RBMS3: variants seen among roughly 807,000 people sequenced by gnomAD.
RBMS3 encodes the protein RNA binding motif single stranded interacting protein 3, also known as RNA-binding motif, single-stranded-interacting protein 3.
Under a neutral mutation model 66.8 loss-of-function variants are expected in RBMS3, and 27 were observed. The ratio of observed to expected loss-of-function variants is 0.40; its 90% CI spans 0.30 to 0.56. The LOEUF is 0.56. Ranked by LOEUF, RBMS3 falls within the 20% of genes least tolerant of loss-of-function variation. The pLI is 0.40. For synonymous variants in RBMS3, 188 were observed against 183.0 expected, an observed-to-expected ratio of 1.03 and a Z score of -0.22; for missense variants, 513 against 549.5, an observed-to-expected ratio of 0.93 and a Z score of 0.66.
chr3:29,842,866 G>A (rs1015535232), intron 6 of RBMS3, among the ~76,000 whole-genome samples: 3 of 152,222 alleles, frequency 2.0e-5, no homozygotes, highest in Non-Finnish European at 2.9e-5. Context: ...ACCTGAAAAG[G>A]CAAGGAAGTA....
intron 12 of RBMS3, among the ~76,000 whole-genome samples, chr3:29,984,034 C>T (rs1439006470): frequency 6.6e-6 from 1 of 152,166 alleles, no homozygotes; most frequent in Non-Finnish European, 1.5e-5. Context: ...CTCCCTGTCA[C>T]TTTCCAGTAC....
At chr3:29,388,233 A>G (rs1575681176) in intron 1 of RBMS3, among the ~76,000 whole-genome samples, 1 of 152,196 alleles carries the variant, frequency 6.6e-6, no homozygotes, top group Admixed American at 6.5e-5. Flanking sequence ...ATCACTCAGG[A>G]TAGAGAAATA....
intron 12 of RBMS3, among the ~76,000 whole-genome samples, chr3:29,981,819 T>C (rs1257429503): frequency 6.6e-6 from 1 of 152,196 alleles, no homozygotes; most frequent in African/African-American, 2.4e-5. Flanking sequence ...TGCTGCTGGA[T>C]TCAGTTTGCC....
At chr3:29,617,746 GAACTCTA>G (rs2048718100) in intron 4 of RBMS3, among the ~76,000 whole-genome samples, 2 of 152,124 alleles carry the variant, frequency 1.3e-5, no homozygotes, top group Admixed American at 1.3e-4. Flanking sequence ...AGGATCTGGT[GAACTCTA>G]AACTCTTCCA....
intron 4 of RBMS3, among the ~76,000 whole-genome samples, chr3:29,725,729 C>T (rs2053836699): frequency 6.6e-6 from 1 of 152,048 alleles, no homozygotes; most frequent in African/African-American, 2.4e-5. Context: ...ACGCTACCAA[C>T]CAAAAAAACC....
intron 1 of RBMS3, among the ~76,000 whole-genome samples, chr3:29,433,684 A>G (rs1455361901): frequency 6.6e-6 from 1 of 152,198 alleles, no homozygotes; most frequent in Non-Finnish European, 1.5e-5. Flanking sequence ...TCAACCCTAG[A>G]CAGTCAGTGT....
chr3:29,932,778 G>A (rs920292407), intron 10 of RBMS3, among the ~76,000 whole-genome samples: 3 of 152,158 alleles, frequency 2.0e-5, no homozygotes, highest in Non-Finnish European at 1.5e-5. Context: ...TAACAACACA[G>A]ATGCTTTTCT....
intron 1 of RBMS3, among the ~76,000 whole-genome samples, chr3:29,358,779 A>G (rs370773741): frequency 2.6e-5 from 4 of 151,918 alleles, no homozygotes; most frequent in Admixed American, 2.0e-4. Flanking sequence ...GTAAGTTGGA[A>G]TCCTAGGTAT....
At chr3:29,815,277 C>T (rs1188602095) in intron 6 of RBMS3, among the ~76,000 whole-genome samples, 1 of 152,146 alleles carries the variant, frequency 6.6e-6, no homozygotes, top group Non-Finnish European at 1.5e-5. Flanking sequence ...CATGCACACC[C>T]AAAACCTTAG....
At position 29,789,163 on chromosome 3, in the gene RBMS3, G is replaced by A. The variant is rs537441680; in HGVS notation, c.637+26174G>A. On this transcript the variant is annotated intron_variant, in intron 6 of 14. Transcript: ENST00000383767. The stretch of plus-strand genomic sequence containing the variant: ...TATTTATCTTGACTTCATTCATGAT[G>A]TATTTTTTTTGCCATTTAGATTTTT... 4.6e-5 allele frequency among the ~76,000 whole-genome samples: 7 copies of A among 151,308 alleles called. 2 individuals carry two copies. In the South Asian group the frequency reaches 1.5e-3, roughly 32 times the overall value.
At chr3:29,772,666 A>G (rs900250061) in intron 6 of RBMS3, among the ~76,000 whole-genome samples, 31 of 152,040 alleles carry the variant, frequency 2.0e-4, no homozygotes, top group African/African-American at 6.8e-4. Context: ...AAAATTACCA[A>G]GAGGAAGCAT....
intron 11 of RBMS3, among the ~76,000 whole-genome samples, chr3:29,943,741 A>C (rs1275422082): frequency 6.6e-6 from 1 of 151,760 alleles, no homozygotes; most frequent in Non-Finnish European, 1.5e-5. Context: ...TTTTGCCTTC[A>C]AAATGTGTTA....
At position 29,739,724 on chromosome 3, in the gene RBMS3, A is replaced by C; in HGVS notation, c.404A>C (p.Gln135Pro). Residue 135 changes from glutamine to proline, a missense_variant, in exon 5 of 15, where the codon CAA (glutamine) becomes CCA (proline). Gln to Pro is a moderately conservative substitution (Grantham distance 76). Coordinates refer to ENST00000383767, the MANE Select transcript of RBMS3 (RefSeq NM_001003793.3). ...TTGTTACTTTCCTTCCCTTAGCAAC[A>C]AGAGCAAGACCCAACAAACCTATAC... is the stretch of plus-strand genomic sequence containing the variant. ...NGVQAQMAKQ[Q>P]EQDPTNLYIS... The C allele has an allele frequency of 6.3e-7, 1 of 1,589,938 alleles. No homozygotes were observed. The highest frequency in any genetic ancestry group is 8.5e-7 in the Non-Finnish European group (1 of 1,171,968).
intron 8 of RBMS3, among the ~76,000 whole-genome samples, chr3:29,886,464 A>T (rs2149584465): frequency 6.6e-6 from 1 of 151,908 alleles, no homozygotes; most frequent in East Asian, 2.0e-4. Flanking sequence ...AAGCAATGAG[A>T]TTTGGCATAG....
At chr3:29,409,801 A>C (rs2040187363) in intron 1 of RBMS3, among the ~76,000 whole-genome samples, 1 of 152,218 alleles carries the variant, frequency 6.6e-6, no homozygotes, top group African/African-American at 2.4e-5. Context: ...AATGGCAGAT[A>C]ATTTATGTGG....
At chr3:29,937,547 G>T (rs2061298244) in intron 11 of RBMS3, among the ~76,000 whole-genome samples, 1 of 151,842 alleles carries the variant, frequency 6.6e-6, no homozygotes, top group Admixed American at 6.6e-5. Context: ...TTTCAATAAA[G>T]AAATTTTAGT....
chr3:29,932,175 T>C (rs1487937109), intron 10 of RBMS3, among the ~76,000 whole-genome samples: 1 of 152,182 alleles, frequency 6.6e-6, no homozygotes. Flanking sequence ...ATTCAGTGAT[T>C]ATATGGTGTG....
chr3:29,868,909 G>T lies in RBMS3; in HGVS notation c.689G>T (p.Arg230Leu). ...TTCGCTGATGGAGGACAAAAGAAGC[G>T]ACAGAATCAAAGCAAATATACCCAG... is the stretch of plus-strand genomic sequence containing the variant. ...CKFADGGQKK[R>L]QNQSKYTQNG... The change falls in exon 7 of 15, where the codon CGA (arginine) becomes CTA (leucine). Residue 230 changes from arginine (R) to leucine (L), a missense_variant. Physicochemically the swap from Arg to Leu is moderately radical, Grantham distance 102. Transcript: ENST00000383767. 6.2e-7 allele frequency: 1 copy of T among 1,604,996 alleles called. No individual in the cohort carries two copies. The highest frequency in any genetic ancestry group is 8.5e-7 in the Non-Finnish European group (1 of 1,175,218).
At chr3:29,824,793 A>T (rs945060444) in intron 6 of RBMS3, among the ~76,000 whole-genome samples, 12 of 152,214 alleles carry the variant, frequency 7.9e-5, no homozygotes, top group Admixed American at 2.6e-4. Flanking sequence ...ACACTAATTT[A>T]AAAAAGGTAA....
Sources: allele counts gnomAD v4.1 joint callset (sites outside exome capture counted in the v4.1 genomes callset), GRCh38; gene constraint gnomAD v4.1.1; transcripts MANE v1.5; gene names NCBI Gene and HGNC (gene_info 2026-07-23, HGNC 2026-07-21).